The following COG6 variants were observed in gnomAD, a reference collection of about 807,000 sequenced individuals.
The protein encoded by COG6 is component of oligomeric golgi complex 6.
COG6 carries 74 observed loss-of-function variants against 88.8 expected under a neutral mutation model. The observed-to-expected ratio is 0.83, with a 90% CI of 0.69 to 1.01. The LOEUF (loss-of-function observed/expected upper bound fraction) is 1.01, where lower values mean the gene tolerates loss of function less well. COG6 is among the 50% of genes least tolerant of loss of function. The pLI, the probability that COG6 is intolerant of heterozygous loss-of-function variation, is 0.00. For missense variants in COG6, 800 were observed against 797.9 expected (o/e 1.00, Z -0.03); for synonymous variants, 286 against 278.7 (o/e 1.03, Z -0.26).
intron 13 of COG6, among the ~76,000 whole-genome samples, chr13:39,710,030 A>G (rs1878152145): frequency 6.6e-6 from 1 of 152,136 alleles, no homozygotes; most frequent in Non-Finnish European, 1.5e-5. Flanking sequence ...CAACTTGTGC[A>G]TTTTTAAAAT....
At chr13:39,728,779 C>T (rs1319090417) in intron 18 of COG6, among the ~76,000 whole-genome samples, 2 of 151,914 alleles carry the variant, frequency 1.3e-5, no homozygotes, top group East Asian at 3.9e-4. Context: ...ATTCTCCTGC[C>T]TCAGCCTCCT....
intron 18 of COG6, among the ~76,000 whole-genome samples, chr13:39,765,110 T>C (rs1881127003): frequency 6.6e-6 from 1 of 151,370 alleles, no homozygotes; most frequent in African/African-American, 2.4e-5. Context: ...ATTTTTGCTA[T>C]TAAAGTTTTT....
At chr13:39,774,375 A>G (rs1881403418) in intron 18 of COG6, among the ~76,000 whole-genome samples, 1 of 152,124 alleles carries the variant, frequency 6.6e-6, no homozygotes, top group Non-Finnish European at 1.5e-5. Context: ...TATGAGAACT[A>G]TATTTAGTAT....
intron 4 of COG6, among the ~76,000 whole-genome samples, chr13:39,671,690 T>A (rs2137970265): frequency 6.6e-6 from 1 of 152,116 alleles, no homozygotes; most frequent in East Asian, 1.9e-4. Flanking sequence ...TCCTTGAGAA[T>A]GTATATATGT....
At chr13:39,786,020 G>A (rs530718128) in intron 18 of COG6, among the ~76,000 whole-genome samples, 1 of 152,160 alleles carries the variant, frequency 6.6e-6, no homozygotes, top group Non-Finnish European at 1.5e-5. Context: ...ATAGAGCCCA[G>A]CAGTGCCTCA....
At chr13:39,765,887 G>A (rs1384089348) in intron 18 of COG6, among the ~76,000 whole-genome samples, 3 of 152,172 alleles carry the variant, frequency 2.0e-5, no homozygotes, top group African/African-American at 4.8e-5. Flanking sequence ...CTCTCTAACC[G>A]AGCACATATT....
At chr13:39,694,965 A>ATG (rs1877189888) in intron 12 of COG6, among the ~76,000 whole-genome samples, 1 of 150,148 alleles carries the variant, frequency 6.7e-6, no homozygotes, top group Non-Finnish European at 1.5e-5. Flanking sequence ...GCACACACAC[A>ATG]CACACACACA....
exon 19 of COG6, chr13:39,789,477 G>A (rs960521934): frequency 4.0e-5 from 6 of 151,856 alleles, no homozygotes; most frequent in African/African-American, 1.2e-4. Flanking sequence ...AACCTTTTGC[G>A]ATCATCTGCT....
chr13:39,787,827 A>G (rs1264216460), intron 18 of COG6, among the ~76,000 whole-genome samples: 4 of 152,218 alleles, frequency 2.6e-5, no homozygotes, highest in Non-Finnish European at 4.4e-5. Context: ...TATTTAAAGT[A>G]TTCGGGAAGA....
intron 18 of COG6, among the ~76,000 whole-genome samples, chr13:39,776,961 T>C (rs962881319): frequency 6.6e-6 from 1 of 152,370 alleles, no homozygotes; most frequent in Admixed American, 6.5e-5. Flanking sequence ...TTTCTCTCTT[T>C]AGTTGTTACC....
At chr13:39,699,679 T>G (rs1032731927) in intron 13 of COG6, 61 bp downstream of exon 13, 3 of 850,866 alleles carry the variant, frequency 3.5e-6, no homozygotes, top group Non-Finnish European at 6.1e-6. Flanking sequence ...GATGTTTTAG[T>G]GATTTTTGTA....
chr13:39,711,933 C>T (rs1311155209), intron 13 of COG6, among the ~76,000 whole-genome samples: 1 of 152,194 alleles, frequency 6.6e-6, no homozygotes, highest in Non-Finnish European at 1.5e-5. Flanking sequence ...AATCTCACCT[C>T]ACTACAACCT....
intron 18 of COG6, among the ~76,000 whole-genome samples, chr13:39,741,714 G>C (rs2138124836): frequency 6.6e-6 from 1 of 152,238 alleles, no homozygotes; most frequent in South Asian, 2.1e-4. Flanking sequence ...CCCCAACCTA[G>C]CAAGGCAGGC....
At chr13:39,772,097 C>T (rs996092082) in intron 18 of COG6, among the ~76,000 whole-genome samples, 2 of 152,244 alleles carry the variant, frequency 1.3e-5, no homozygotes, top group Non-Finnish European at 2.9e-5. Flanking sequence ...TCACAGCAAG[C>T]TTGGTGTGAT....
chr13:39,684,268 T>TTTTTTTTTTTTTTTTAAG, intron 8 of COG6, among the ~76,000 whole-genome samples: 1 of 134,090 alleles, frequency 7.5e-6, no homozygotes, highest in East Asian at 2.1e-4. Flanking sequence ...TTTTTTTTTT[T>TTTTTTTTTTTTTTTTAAG]GAGACGGAGT....
chr13:39,721,629 C>T (rs1421033548), intron 15 of COG6, among the ~76,000 whole-genome samples: 6 of 152,020 alleles, frequency 3.9e-5, no homozygotes, highest in Admixed American at 2.6e-4. Context: ...AGCCTGGATT[C>T]GGTGTGATAG....
At chr13:39,672,739 T>C (rs369898177) in intron 4 of COG6, among the ~76,000 whole-genome samples, 20 of 152,102 alleles carry the variant, frequency 1.3e-4, no homozygotes, top group African/African-American at 4.8e-4. Flanking sequence ...GGGCATGTTT[T>C]ATTCCTCTTA....
At chr13:39,685,285 G>A (rs1278490467) in intron 8 of COG6, among the ~76,000 whole-genome samples, 2 of 152,144 alleles carry the variant, frequency 1.3e-5, no homozygotes, top group African/African-American at 4.8e-5. Flanking sequence ...AAGAATGTCT[G>A]ATTTTGGTCA....
intron 18 of COG6, among the ~76,000 whole-genome samples, chr13:39,763,290 T>C (rs534804961): frequency 6.6e-6 from 1 of 151,822 alleles, no homozygotes; most frequent in Non-Finnish European, 1.5e-5. Flanking sequence ...ACACAATCTA[T>C]ATAATTAGTG....
Sources: allele counts gnomAD v4.1 joint callset (sites outside exome capture counted in the v4.1 genomes callset), GRCh38; gene constraint gnomAD v4.1.1; transcripts MANE v1.5; gene names NCBI Gene and HGNC (gene_info 2026-07-23, HGNC 2026-07-21).